The following MMP16 variants were observed in gnomAD, a reference collection of about 807,000 sequenced individuals.
The protein encoded by MMP16 is matrix metalloproteinase-16.
A neutral mutation model predicts 67.8 loss-of-function variants in MMP16; 12 were observed. The observed-to-expected ratio is 0.18, with a 90% CI of 0.11 to 0.29. MMP16 has a LOEUF of 0.29. Ranked by LOEUF, MMP16 falls within the 10% of genes least tolerant of loss-of-function variation. The pLI, the probability that MMP16 is intolerant of heterozygous loss-of-function variation, is 1.00. For synonymous variants in MMP16, 249 were observed against 255.9 expected, an observed-to-expected ratio of 0.97 and a Z score of 0.26; for missense variants, 475 against 765.7, an observed-to-expected ratio of 0.62 and a Z score of 4.48.
At chr8:88,095,326 G>C (rs1371749549) in intron 6 of MMP16, among the ~76,000 whole-genome samples, 4 of 151,500 alleles carry the variant, frequency 2.6e-5, no homozygotes, top group African/African-American at 9.7e-5. Context: ...AAATAGAAAT[G>C]GCATGTTAGA....
chr8:88,232,536 T>C (rs965911811), intron 1 of MMP16, among the ~76,000 whole-genome samples: 1 of 152,200 alleles, frequency 6.6e-6, no homozygotes, highest in Non-Finnish European at 1.5e-5. Context: ...GATCCACATA[T>C]GTTCCGTATG....
At chr8:88,319,464 T>C (rs1220384690) in intron 1 of MMP16, among the ~76,000 whole-genome samples, 1 of 150,494 alleles carries the variant, frequency 6.6e-6, no homozygotes, top group South Asian at 2.1e-4. Context: ...AAGTAGAGCG[T>C]GAGAAAAGGA....
At chr8:88,288,592 A>G (rs1336032521) in intron 1 of MMP16, among the ~76,000 whole-genome samples, 1 of 152,236 alleles carries the variant, frequency 6.6e-6, no homozygotes, top group Non-Finnish European at 1.5e-5. Context: ...ATAAAACAGT[A>G]AAGAGTCCAT....
chr8:88,140,385 G>A (rs932685028), intron 4 of MMP16, among the ~76,000 whole-genome samples: 2 of 152,128 alleles, frequency 1.3e-5, no homozygotes, highest in African/African-American at 2.4e-5. Context: ...CAGAAGTCAC[G>A]TAGCATCACT....
chr8:88,163,874 T>C (rs1382922674), intron 4 of MMP16, among the ~76,000 whole-genome samples: 4 of 152,134 alleles, frequency 2.6e-5, no homozygotes, highest in African/African-American at 9.6e-5. Context: ...GTTAACTGTT[T>C]TGCTGATTCA....
intron 3 of MMP16, among the ~76,000 whole-genome samples, chr8:88,175,100 A>C (rs1007590594): frequency 6.6e-6 from 1 of 152,134 alleles, no homozygotes; most frequent in Non-Finnish European, 1.5e-5. Flanking sequence ...GGAAGCAGCC[A>C]AAAAGGTGAT....
intron 1 of MMP16, among the ~76,000 whole-genome samples, chr8:88,238,395 C>T (rs1245117926): frequency 6.6e-6 from 1 of 152,046 alleles, no homozygotes; most frequent in Non-Finnish European, 1.5e-5. Context: ...CAGTGGCTTG[C>T]ATCTGTAATC....
intron 7 of MMP16, among the ~76,000 whole-genome samples, chr8:88,066,005 C>A (rs532397119): frequency 6.6e-6 from 1 of 152,130 alleles, no homozygotes; most frequent in African/African-American, 2.4e-5. Context: ...AGTTTCTATT[C>A]CACAAGTGAT....
At position 88,289,496 on chromosome 8, in the gene MMP16, T is replaced by C. The variant is rs1371981352; in HGVS notation, c.132+37579A>G. Among the ~76,000 whole-genome samples, 3 of 151,848 alleles carry C rather than the reference T, an allele frequency of 2.0e-5. No homozygotes were observed. The East Asian group carries it at 5.8e-4, about 29-fold the overall frequency. ...AAAGAGCAATAGATGTCAAAAGCTCTAGCAAGTAAAATATTTGTACATCTA... is the reference window on the plus strand; with the variant it reads ...AAAGAGCAATAGATGTCAAAAGCTCCAGCAAGTAAAATATTTGTACATCTA... On this transcript the variant is annotated intron_variant, in intron 1 of 9. Transcript: ENST00000286614.
At chr8:88,215,271 A>C (rs989158282) in intron 1 of MMP16, among the ~76,000 whole-genome samples, 1 of 152,046 alleles carries the variant, frequency 6.6e-6, no homozygotes, top group Non-Finnish European at 1.5e-5. Flanking sequence ...CGGAGGTTGC[A>C]GTGAGCTGAG....
chr8:88,103,472 A>T (rs2118385902), intron 6 of MMP16, among the ~76,000 whole-genome samples: 1 of 152,000 alleles, frequency 6.6e-6, no homozygotes, highest in East Asian at 2.0e-4. Context: ...GCTTCCTGAG[A>T]GTAAGGAACG....
chr8:88,085,161 A>G (rs1176214018), intron 6 of MMP16, among the ~76,000 whole-genome samples: 1 of 152,006 alleles, frequency 6.6e-6, no homozygotes, highest in Non-Finnish European at 1.5e-5. Context: ...GTAGTGTTTA[A>G]AAAGAGAGCA....
At chr8:88,104,899 T>C (rs577619871) in intron 6 of MMP16, among the ~76,000 whole-genome samples, 45 of 151,540 alleles carry the variant, frequency 3.0e-4, no homozygotes, top group Non-Finnish European at 5.8e-4. Flanking sequence ...CAAAACATTT[T>C]CAATAAAAAA....
At position 88,041,303 on chromosome 8, in the gene MMP16, C is replaced by T; in HGVS notation, c.*158G>A. The T allele has an allele frequency of 1.5e-6, 1 of 661,854 alleles. No individual in the cohort carries two copies. The highest frequency in any genetic ancestry group is 2.6e-6 in the Non-Finnish European group (1 of 378,366). 41.0% of individuals were successfully genotyped at this position (661,854 alleles called of 1,614,324 possible). On this transcript the variant is annotated 3_prime_UTR_variant, in exon 10 of 10. Transcript: ENST00000286614. This position sits in a 1 kb window ranked among gnomAD's most constrained non-coding sequence, Gnocchi z 6.0. ...GCTTCCCCATGAGTGTATTTCCACT[C>T]ATGTGCAGGACCAGCAACCCTCTGG...
chr8:88,233,596 G>C (rs1463320232), intron 1 of MMP16, among the ~76,000 whole-genome samples: 1 of 152,134 alleles, frequency 6.6e-6, no homozygotes, highest in Non-Finnish European at 1.5e-5. Flanking sequence ...TTAATTCCAA[G>C]AGCACATTCT....
intron 4 of MMP16, among the ~76,000 whole-genome samples, chr8:88,137,661 T>C (rs1808143539): frequency 6.6e-6 from 1 of 152,008 alleles, no homozygotes; most frequent in Non-Finnish European, 1.5e-5. Context: ...TTTCTCTTTA[T>C]ACATTGCTTT....
intron 1 of MMP16, among the ~76,000 whole-genome samples, chr8:88,236,822 T>G (rs1017227594): frequency 3.3e-5 from 3 of 90,628 alleles, no homozygotes; most frequent in African/African-American, 6.4e-5. Context: ...TGACTCACTT[T>G]TCAGAGCTGG....
At chr8:88,066,853 C>T (rs552796980) in intron 7 of MMP16, among the ~76,000 whole-genome samples, 2 of 151,944 alleles carry the variant, frequency 1.3e-5, no homozygotes, top group South Asian at 4.2e-4. Context: ...AAAGAGAAAA[C>T]ATAAATTAAA....
At chr8:88,195,321 T>A (rs1809232773) in intron 2 of MMP16, among the ~76,000 whole-genome samples, 3 of 152,304 alleles carry the variant, frequency 2.0e-5, no homozygotes, top group Non-Finnish European at 2.9e-5. Flanking sequence ...AAGTATTACA[T>A]ACTTCCTTAT....
Sources: allele counts gnomAD v4.1 joint callset (sites outside exome capture counted in the v4.1 genomes callset), GRCh38; gene constraint gnomAD v4.1.1; non-coding constraint Gnocchi (gnomAD v3.1); transcripts MANE v1.5; gene names NCBI Gene and HGNC (gene_info 2026-07-23, HGNC 2026-07-21).